ERN1: variants seen among roughly 807,000 people sequenced by gnomAD.
The protein encoded by ERN1 is serine/threonine-protein kinase/endoribonuclease IRE1.
In ERN1, 39 loss-of-function variants were observed where a neutral mutation model predicts 113.1. The observed-to-expected ratio is 0.34, with a 90% CI of 0.27 to 0.45. The LOEUF (loss-of-function observed/expected upper bound fraction) is 0.45, where lower values mean the gene tolerates loss of function less well. Among genes scored for constraint, ERN1 ranks in the 20% least tolerant of loss-of-function variants. ERN1 has a pLI of 1.00. For missense variants in ERN1, 976 were observed against 1,274.8 expected (o/e 0.77, Z 3.57); for synonymous variants, 507 against 515.9 (o/e 0.98, Z 0.23).
At chr17:64,075,335 T>C in intron 4 of ERN1, 88 bp from the exon 5 acceptor site, 2 of 1,133,160 alleles carry the variant, frequency 1.8e-6, no homozygotes, top group Admixed American at 6.3e-5. Context: ...TTCTATTACC[T>C]AATTCTGCTA....
In ERN1 at chr17:64,130,129, G is replaced by C; in HGVS notation, c.-100C>G. On this transcript the variant is annotated 5_prime_UTR_variant, in exon 1 of 22. Coordinates refer to ENST00000433197, the MANE Select transcript of ERN1 (RefSeq NM_001433.5). This position sits in a 1 kb window ranked among gnomAD's most constrained non-coding sequence, Gnocchi z 4.0. The stretch of plus-strand genomic sequence containing the variant: ...CGGTGACCGAGCCTCAGCGGACGCA[G>C]AACTGACTAGGCAGCGGCGGCACCC... The C allele has an allele frequency of 2.7e-6, 3 of 1,098,704 alleles. No homozygotes were observed. The highest frequency in any genetic ancestry group is 3.5e-6 in the Non-Finnish European group (3 of 853,092). The allele number at this position is 1,098,704 out of a possible 1,614,324, so 68.1% of individuals were successfully genotyped here. A position where few individuals can be genotyped will look rare whatever the true frequency, so the allele number is the denominator to read the frequency against.
Position 64,044,140 on chromosome 17 carries a change from C to T in ERN1, c.2782G>A (p.Asp928Asn), listed in dbSNP as rs1168524911. 16 of 1,604,334 alleles carry T rather than the reference C, an allele frequency of 1.0e-5. No individual in the cohort carries two copies. Among genetic ancestry groups the T allele is most frequent in the South Asian group, 4.4e-5 (4 of 89,904 alleles). ...CGAGATGTGAAGTAGCACACGAAGT[C>T]GTCGGGGAGGGACCCCAGCGTCTCC... ...VRETLGSLPD[D>N]FVCYFTSRFP... The change falls in exon 22 of 22, where the codon GAC becomes AAC. Residue 928 changes from aspartate to asparagine, a missense_variant. By Grantham distance (23) the Asp-to-Asn change is conservative (BLOSUM62 1). Coordinates refer to ENST00000433197, the MANE Select transcript of ERN1 (RefSeq NM_001433.5). This position sits in a 1 kb window ranked among gnomAD's most constrained non-coding sequence, Gnocchi z 4.1.
At chr17:64,096,566 TC>T (rs1446106376) in intron 2 of ERN1, among the ~76,000 whole-genome samples, 2 of 152,086 alleles carry the variant, frequency 1.3e-5, no homozygotes, top group African/African-American at 4.8e-5. Context: ...CTGCCCCTGC[TC>T]CCCCGGTCCA....
intron 1 of ERN1, among the ~76,000 whole-genome samples, chr17:64,121,495 T>A (rs9902985): frequency 0.022 from 3,274 of 151,744 alleles, 140 homozygotes; most frequent in African/African-American, 0.074. Context: ...AGCAGGCAAT[T>A]TTTTGTTGTT....
chr17:64,080,297 T>C (rs1913726784), intron 3 of ERN1: 1 of 159,838 alleles, frequency 6.3e-6, no homozygotes, highest in African/African-American at 2.4e-5. Flanking sequence ...TGTGAAGTGG[T>C]CTTTTGTCAA....
rs777830083 is a variant in ERN1 at position 64,079,615 on chromosome 17, G to A, written c.282+47C>T. 1.4e-5 allele frequency: 20 copies of A among 1,471,100 alleles called. No individual in the cohort carries two copies. In the African/African-American group the frequency reaches 1.4e-4, roughly 10 times the overall value. 91.1% of individuals were successfully genotyped at this position (1,471,100 alleles called of 1,614,324 possible). The stretch of plus-strand genomic sequence containing the variant: ...CACTGTGCAGACACACTTAAGGACC[G>A]CTGGTCTAGAACCCCTGGAGTACAA... On this transcript the variant is annotated intron_variant, in intron 4 of 21. Transcript: ENST00000433197.
chr17:64,129,547 C>A (rs1488050478), intron 1 of ERN1: 2 of 344,138 alleles, frequency 5.8e-6, no homozygotes, highest in African/African-American at 2.1e-5. Flanking sequence ...GATCCCAACG[C>A]CCTTTCGGCT....
At chr17:64,091,715 G>C (rs1281950944) in intron 2 of ERN1, among the ~76,000 whole-genome samples, 1 of 152,204 alleles carries the variant, frequency 6.6e-6, no homozygotes, top group Non-Finnish European at 1.5e-5. Context: ...GGAGTTACAT[G>C]GCTGCAAGTA....
At position 64,043,214 on chromosome 17, in the gene ERN1, G is replaced by A. The variant is rs1912394732; in HGVS notation, c.*774C>T. ...GGGAACTCTTTACCTCTTGCCCCAGGCGCTCCTGAGCACCACCCCGAGATG... is the reference window on the plus strand; with the variant it reads ...GGGAACTCTTTACCTCTTGCCCCAGACGCTCCTGAGCACCACCCCGAGATG... On this transcript the variant is annotated 3_prime_UTR_variant, in exon 22 of 22. Coordinates refer to ENST00000433197, the MANE Select transcript of ERN1 (RefSeq NM_001433.5). The A allele has an allele frequency of 6.6e-6, 1 of 152,630 alleles. No homozygotes were observed. The highest frequency in any genetic ancestry group is 2.4e-5 in the African/African-American group (1 of 41,412). The allele number at this position is 152,630 out of a possible 1,614,324, so 9.5% of individuals were successfully genotyped here.
intron 17 of ERN1, among the ~76,000 whole-genome samples, chr17:64,052,217 A>G (rs1912706884): frequency 6.6e-6 from 1 of 152,190 alleles, no homozygotes; most frequent in African/African-American, 2.4e-5. Flanking sequence ...AATTTTCTCT[A>G]TGTCTAAAAA....
chr17:64,121,734 G>A (rs890777062), intron 1 of ERN1, among the ~76,000 whole-genome samples: 13 of 152,258 alleles, frequency 8.5e-5, no homozygotes, highest in South Asian at 2.1e-4. Flanking sequence ...TGATCCGCCC[G>A]CCTCAGCTTC....
chr17:64,058,061 A>C (rs1912934899), intron 11 of ERN1, 68 bp from the exon 12 acceptor site: 1 of 1,222,216 alleles, frequency 8.2e-7, no homozygotes, highest in African/African-American at 1.5e-5. Context: ...GCCAGCAATC[A>C]AGAGAAGCAA....
rs1247579060 is a variant in ERN1 at position 64,042,318 on chromosome 17, G to A, written c.*1670C>T. ...ATGAGATTTAAGGATGTAGGATCAC[G>A]TTAATAGTAGGGAAAAAAGTCACTT... is the stretch of plus-strand genomic sequence containing the variant. On this transcript the variant is annotated 3_prime_UTR_variant, in exon 22 of 22. Transcript: ENST00000433197. 1.3e-5 allele frequency: 2 copies of A among 152,198 alleles called. No homozygotes were observed. The highest frequency in any genetic ancestry group is 3.8e-4 in the East Asian group (2 of 5,208). 9.4% of individuals were successfully genotyped at this position (152,198 alleles called of 1,614,324 possible). A position where few individuals can be genotyped will look rare whatever the true frequency, so the allele number is the denominator to read the frequency against.
At chr17:64,109,545 C>G (rs1478781164) in intron 1 of ERN1, among the ~76,000 whole-genome samples, 1 of 152,224 alleles carries the variant, frequency 6.6e-6, no homozygotes, top group Non-Finnish European at 1.5e-5. Flanking sequence ...ACCATACCAC[C>G]TTCCTCTCTC....
intron 2 of ERN1, among the ~76,000 whole-genome samples, chr17:64,089,847 C>G (rs933993916): frequency 5.9e-5 from 9 of 152,046 alleles, no homozygotes; most frequent in Non-Finnish European, 1.3e-4. Flanking sequence ...ACTAGAAAGG[C>G]ATAGTCTGAA....
At chr17:64,081,342 C>T (rs1176921325) in intron 2 of ERN1, among the ~76,000 whole-genome samples, 2 of 152,218 alleles carry the variant, frequency 1.3e-5, no homozygotes, top group South Asian at 4.1e-4. Flanking sequence ...CCCTTTGGCC[C>T]CCCCATTGCA....
intron 11 of ERN1, among the ~76,000 whole-genome samples, chr17:64,058,999 A>C (rs1256508397): frequency 6.6e-6 from 1 of 152,124 alleles, no homozygotes; most frequent in Non-Finnish European, 1.5e-5. Context: ...TTTAAAACAT[A>C]CTTTTTCAAA....
intron 1 of ERN1, among the ~76,000 whole-genome samples, chr17:64,115,405 G>A (rs2143491369): frequency 6.6e-6 from 1 of 152,282 alleles, no homozygotes; most frequent in Non-Finnish European, 1.5e-5. Flanking sequence ...CCGCCCCAAG[G>A]CCTGTAAAAC....
In ERN1 at chr17:64,130,118, C is replaced by G. The variant is rs1915203151; in HGVS notation, c.-89G>C. On this transcript the variant is annotated 5_prime_UTR_variant, in exon 1 of 22. Transcript: ENST00000433197. The surrounding 1 kb of genome is among the most constrained non-coding windows in gnomAD (Gnocchi z 4.0). ...CGACAGCGAGGCGGTGACCGAGCCT[C>G]AGCGGACGCAGAACTGACTAGGCAG... 1 of 1,192,294 alleles carries G rather than the reference C, an allele frequency of 8.4e-7. No individual in the cohort carries two copies. The allele number at this position is 1,192,294 out of a possible 1,614,324, so 73.9% of individuals were successfully genotyped here.
Sources: gnomAD v4.1 joint callset for allele counts (sites outside exome capture counted in the v4.1 genomes callset) on GRCh38, gnomAD v4.1.1 for gene constraint, Gnocchi (gnomAD v3.1) non-coding constraint, MANE v1.5 for transcripts, NCBI Gene and HGNC (gene_info 2026-07-23, HGNC 2026-07-21) for gene names.